Variants in CSMD1 observed in about 807,000 individuals in gnomAD.
CSMD1 encodes CUB and Sushi multiple domains 1, also known as CUB and sushi domain-containing protein 1.
Under a neutral mutation model 417.5 loss-of-function variants are expected in CSMD1, and 213 were observed. The ratio of observed to expected loss-of-function variants is 0.51; its 90% CI spans 0.46 to 0.57. CSMD1 has a LOEUF of 0.57. Ranked by LOEUF, CSMD1 falls within the 20% of genes least tolerant of loss-of-function variation. CSMD1 has a pLI of 0.00. For synonymous variants in CSMD1, 2,862 were observed against 1,736.8 expected, an observed-to-expected ratio of 1.65 and a Z score of -16.11; for missense variants, 6,923 against 4,529.7, an observed-to-expected ratio of 1.53 and a Z score of -15.17.
chr8:3,110,152 T>C lies in CSMD1; in HGVS notation c.6608+6A>G. On this transcript the variant is annotated splice_donor_region_variant and intron_variant, in intron 43 of 69. Transcript: ENST00000635120. ...ACAGATATTTTGACTTGAGAGGTTC[T>C]CATACCAAACAGCAATGTAATCGTT... 1 of 1,598,134 alleles carries C rather than the reference T, an allele frequency of 6.3e-7. No individual in the cohort carries two copies. The highest frequency in any genetic ancestry group is 8.5e-7 in the Non-Finnish European group (1 of 1,171,426).
intron 1 of CSMD1, among the ~76,000 whole-genome samples, chr8:4,828,631 C>A (rs545020039): frequency 6.6e-6 from 1 of 152,148 alleles, no homozygotes; most frequent in Non-Finnish European, 1.5e-5. Context: ...TTCTTTAAAA[C>A]TGAGAACGTT....
intron 25 of CSMD1, among the ~76,000 whole-genome samples, chr8:3,291,054 A>G (rs954389877): frequency 1.3e-5 from 2 of 152,150 alleles, no homozygotes; most frequent in African/African-American, 2.4e-5. Flanking sequence ...AATTTTGTCA[A>G]AGGCCTTTTC....
intron 2 of CSMD1, among the ~76,000 whole-genome samples, chr8:4,426,381 G>A (rs544754885): frequency 2.0e-5 from 3 of 149,240 alleles, no homozygotes; most frequent in South Asian, 2.1e-4. Flanking sequence ...TTTGTATGTA[G>A]TATATATAGT....
intron 9 of CSMD1, among the ~76,000 whole-genome samples, chr8:3,579,740 A>G (rs188784137): frequency 6.6e-6 from 1 of 152,350 alleles, no homozygotes; most frequent in Non-Finnish European, 1.5e-5. Flanking sequence ...TAGAATAATC[A>G]TAACTCCACT....
At chr8:4,638,767 C>G (rs967279342) in intron 1 of CSMD1, among the ~76,000 whole-genome samples, 1 of 152,154 alleles carries the variant, frequency 6.6e-6, no homozygotes, top group Admixed American at 6.5e-5. Flanking sequence ...TTAGGATTGA[C>G]ATGACAATGG....
intron 12 of CSMD1, among the ~76,000 whole-genome samples, chr8:3,426,156 C>T (rs916965999): frequency 6.6e-6 from 1 of 152,136 alleles, no homozygotes; most frequent in African/African-American, 2.4e-5. Flanking sequence ...TAATACTTTC[C>T]TTTCAATAAC....
intron 5 of CSMD1, among the ~76,000 whole-genome samples, chr8:3,896,993 T>G (rs1807416360): frequency 6.6e-6 from 1 of 152,020 alleles, no homozygotes; most frequent in Non-Finnish European, 1.5e-5. Flanking sequence ...CAATTCTAGT[T>G]TTCCATTTCT....
rs1350007349 is a variant in CSMD1, at chr8:3,265,870, G to A, written c.4153+18274C>T. Among the ~76,000 whole-genome samples the A allele has an allele frequency of 2.6e-5, 4 of 152,096 alleles. No individual in the cohort carries two copies. The Middle Eastern group carries it at 0.01, about 388-fold the overall frequency. Reference sequence around the variant, plus strand: ...AGTAGCTCAGGTGGGGAAGAGAAAAGCGGACTGAGATCAGCTTCTCCATCT... The same window carrying A: ...AGTAGCTCAGGTGGGGAAGAGAAAAACGGACTGAGATCAGCTTCTCCATCT... On this transcript the variant is annotated intron_variant, in intron 26 of 69. Coordinates refer to ENST00000635120, the MANE Select transcript of CSMD1 (RefSeq NM_033225.6).
chr8:4,596,083 A>G (rs966953434), intron 2 of CSMD1, among the ~76,000 whole-genome samples: 1 of 152,178 alleles, frequency 6.6e-6, no homozygotes, highest in African/African-American at 2.4e-5. Flanking sequence ...TCAAGGGCCA[A>G]CTTCCCTGTG....
intron 49 of CSMD1, among the ~76,000 whole-genome samples, chr8:3,062,437 CGTTT>C (rs1177045052): frequency 7.2e-5 from 11 of 151,944 alleles, no homozygotes; most frequent in Non-Finnish European, 7.4e-5. Context: ...AATATTCTTC[CGTTT>C]GTTTGAAAGG....
chr8:4,917,157 T>C (rs1281648350), intron 1 of CSMD1, among the ~76,000 whole-genome samples: 1 of 152,194 alleles, frequency 6.6e-6, no homozygotes, highest in African/African-American at 2.4e-5. Flanking sequence ...ATGTCCTACT[T>C]GGCTGGAGCA....
rs538452258 is a variant in CSMD1 at position 3,094,682 on chromosome 8, T to C, written c.7138+2167A>G. On this transcript the variant is annotated intron_variant, in intron 47 of 69. Transcript: ENST00000635120. ...AAATACTGTGTTTTAAAAAGCATTA[T>C]GGGATATCCACTACTTAAGCCATAG... Among the ~76,000 whole-genome samples the C allele has an allele frequency of 1.5e-3, 231 of 152,022 alleles. 1 individual carries two copies. Among genetic ancestry groups the C allele is most frequent in the Admixed American group, 0.015 (229 of 15,256 alleles).
intron 49 of CSMD1, among the ~76,000 whole-genome samples, chr8:3,054,545 G>A (rs751583627): frequency 6.6e-6 from 1 of 152,196 alleles, no homozygotes; most frequent in East Asian, 1.9e-4. Context: ...TTAAGCCCAG[G>A]AGACAGAGGT....
At chr8:4,840,796 G>A (rs949633517) in intron 1 of CSMD1, among the ~76,000 whole-genome samples, 2 of 152,118 alleles carry the variant, frequency 1.3e-5, no homozygotes, top group African/African-American at 4.8e-5. Context: ...TATGCACAGG[G>A]CTTTTATACC....
At chr8:3,604,751 C>T (rs1039915237) in intron 8 of CSMD1, among the ~76,000 whole-genome samples, 10 of 152,144 alleles carry the variant, frequency 6.6e-5, no homozygotes, top group Non-Finnish European at 1.2e-4. Context: ...CCCTTGGACA[C>T]ATGGGCATAA....
chr8:4,612,673 C>G (rs997393616), intron 2 of CSMD1, among the ~76,000 whole-genome samples: 1 of 152,134 alleles, frequency 6.6e-6, no homozygotes, highest in South Asian at 2.1e-4. Flanking sequence ...CAACTGCCAC[C>G]CAAACCTCAC....
At chr8:4,082,593 C>T (rs960938252) in intron 3 of CSMD1, among the ~76,000 whole-genome samples, 2 of 147,864 alleles carry the variant, frequency 1.4e-5, no homozygotes, top group Non-Finnish European at 3.0e-5. Flanking sequence ...AAGAAAAAAA[C>T]CTTTCTTTTT....
intron 22 of CSMD1, 55 bp downstream of exon 22, chr8:3,347,937 T>A: frequency 8.0e-7 from 1 of 1,245,218 alleles, no homozygotes; most frequent in Non-Finnish European, 1.1e-6. Flanking sequence ...AGATAGACAA[T>A]GTATTTTTTG....
At chr8:3,246,406 G>C (rs1014214663) in intron 26 of CSMD1, among the ~76,000 whole-genome samples, 3 of 152,110 alleles carry the variant, frequency 2.0e-5, no homozygotes, top group African/African-American at 7.2e-5. Context: ...CAGTTCCTCA[G>C]TCACGCTCTC....
Sources: allele counts gnomAD v4.1 joint callset (sites outside exome capture counted in the v4.1 genomes callset), GRCh38; gene constraint gnomAD v4.1.1; transcripts MANE v1.5; gene names NCBI Gene and HGNC (gene_info 2026-07-23, HGNC 2026-07-21).